Variants in HECW1 observed in about 807,000 individuals in gnomAD.
The protein encoded by HECW1 is HECT, C2 and WW domain containing E3 ubiquitin protein ligase 1.
Under a neutral mutation model 182.3 loss-of-function variants are expected in HECW1, and 61 were observed. That is an observed-to-expected ratio of 0.33 (90% CI 0.27 to 0.41). The LOEUF is 0.41. HECW1 is among the 10% of genes least tolerant of loss of function. HECW1 has a pLI of 1.00. For synonymous variants in HECW1, 859 were observed against 832.6 expected (o/e 1.03, Z -0.55); for missense variants, 1,739 against 2,108.9 (o/e 0.82, Z 3.44).
At chr7:43,346,557 A>T (rs978004935) in intron 5 of HECW1, among the ~76,000 whole-genome samples, 7 of 152,154 alleles carry the variant, frequency 4.6e-5, no homozygotes, top group Non-Finnish European at 1.0e-4. Flanking sequence ...TTGGTCGTGA[A>T]ATCCTTGCCT....
chr7:43,254,757 G>C (rs1455831133), intron 3 of HECW1, among the ~76,000 whole-genome samples: 1 of 151,786 alleles, frequency 6.6e-6, no homozygotes, highest in Non-Finnish European at 1.5e-5. Context: ...TCCAGCACTG[G>C]TCGTAATGCC....
At chr7:43,420,951 T>C (rs1199153496) in intron 8 of HECW1, among the ~76,000 whole-genome samples, 2 of 152,120 alleles carry the variant, frequency 1.3e-5, no homozygotes, top group Non-Finnish European at 2.9e-5. Context: ...ATTCTAACAT[T>C]TGTATTGAAA....
intron 2 of HECW1, among the ~76,000 whole-genome samples, chr7:43,172,011 C>A (rs1286726754): frequency 6.6e-6 from 1 of 151,966 alleles, no homozygotes; most frequent in East Asian, 1.9e-4. Flanking sequence ...GGCACAGTGG[C>A]TCACATCTGT....
chr7:43,424,358 G>A (rs990211741), intron 8 of HECW1, among the ~76,000 whole-genome samples: 3 of 152,150 alleles, frequency 2.0e-5, no homozygotes, highest in Admixed American at 1.3e-4. Flanking sequence ...AGTGGCTCAC[G>A]CCTCTAATCC....
chr7:43,317,342 G>A (rs1461391381), intron 4 of HECW1, among the ~76,000 whole-genome samples: 2 of 152,236 alleles, frequency 1.3e-5, no homozygotes, highest in Admixed American at 1.3e-4. Context: ...CTGCCCTCCA[G>A]ATTGCAGTGA....
At chr7:43,274,189 A>C (rs1416780426) in intron 3 of HECW1, 3 of 504,268 alleles carry the variant, frequency 5.9e-6, no homozygotes, top group East Asian at 6.5e-5. Context: ...AAAAGAGTAC[A>C]AGGTGGTGGT....
intron 2 of HECW1, among the ~76,000 whole-genome samples, chr7:43,151,654 A>G (rs1789340246): frequency 6.6e-6 from 1 of 152,184 alleles, no homozygotes. Context: ...AAACATTGCT[A>G]AAAATTGAAT....
intron 6 of HECW1, among the ~76,000 whole-genome samples, chr7:43,367,181 A>G (rs1409170067): frequency 1.3e-5 from 2 of 152,222 alleles, no homozygotes; most frequent in Non-Finnish European, 2.9e-5. Context: ...ACTTGGCCCC[A>G]TTGTATTTTG....
chr7:43,281,598 C>T (rs1803911183), intron 3 of HECW1, among the ~76,000 whole-genome samples: 1 of 152,060 alleles, frequency 6.6e-6, no homozygotes, highest in Non-Finnish European at 1.5e-5. Context: ...TTCTCTCAGT[C>T]CACTCTCCCT....
chr7:43,385,394 T>G (rs996514748), intron 6 of HECW1, among the ~76,000 whole-genome samples: 1 of 150,138 alleles, frequency 6.7e-6, no homozygotes, highest in African/African-American at 2.5e-5. Context: ...TGCCTCTGTC[T>G]TCTGCCCTCT....
chr7:43,194,536 CCCTTCTTTTCCGCAAAA>C (rs1794243009), intron 2 of HECW1: 1 of 152,170 alleles, frequency 6.6e-6, no homozygotes, highest in African/African-American at 2.4e-5. Flanking sequence ...GCTCCCTGGA[CCCTTCTTTTCCGCAAAA>C]CCTTGCTGAA....
At chr7:43,517,923 G>C (rs2080240822) in intron 24 of HECW1, among the ~76,000 whole-genome samples, 1 of 152,172 alleles carries the variant, frequency 6.6e-6, no homozygotes, top group African/African-American at 2.4e-5. Flanking sequence ...GCTTTCTTCA[G>C]AATGTGTGAG....
chr7:43,254,955 G>C (rs1800409227), intron 3 of HECW1, among the ~76,000 whole-genome samples: 1 of 152,144 alleles, frequency 6.6e-6, no homozygotes, highest in Non-Finnish European at 1.5e-5. Flanking sequence ...CTTTTCTATT[G>C]TTGACTAAGG....
At chr7:43,149,308 A>C (rs1036745000) in intron 2 of HECW1, among the ~76,000 whole-genome samples, 6 of 152,222 alleles carry the variant, frequency 3.9e-5, no homozygotes, top group African/African-American at 1.4e-4. Context: ...AGAAAGACAC[A>C]TCACTTCTGT....
chr7:43,447,175 T>A (rs1045914648), intron 11 of HECW1, among the ~76,000 whole-genome samples: 4 of 152,040 alleles, frequency 2.6e-5, no homozygotes, highest in African/African-American at 9.7e-5. Flanking sequence ...AAGCTTTTTT[T>A]TTTTGTATTA....
intron 6 of HECW1, among the ~76,000 whole-genome samples, chr7:43,361,787 A>G (rs1815940111): frequency 6.9e-6 from 1 of 145,562 alleles, no homozygotes; most frequent in Non-Finnish European, 1.5e-5. Context: ...GGACTTTGTC[A>G]TGCTAGTGGA....
intron 3 of HECW1, among the ~76,000 whole-genome samples, chr7:43,298,763 C>T (rs955849372): frequency 6.6e-6 from 1 of 152,166 alleles, no homozygotes; most frequent in African/African-American, 2.4e-5. Context: ...AATGGCAAGT[C>T]AGGGGCCTCG....
At chr7:43,352,711 A>AT (rs974600398) in intron 5 of HECW1, among the ~76,000 whole-genome samples, 5 of 152,202 alleles carry the variant, frequency 3.3e-5, no homozygotes, top group Admixed American at 1.3e-4. Context: ...TGCTAAACAC[A>AT]TTTTTTTAAG....
intron 13 of HECW1, among the ~76,000 whole-genome samples, chr7:43,457,244 G>A (rs1343734322): frequency 6.6e-6 from 1 of 152,138 alleles, no homozygotes; most frequent in Non-Finnish European, 1.5e-5. Flanking sequence ...GGCAGCTTCA[G>A]GATACTTTTA....
Sources: gnomAD v4.1 joint callset for allele counts (sites outside exome capture counted in the v4.1 genomes callset) on GRCh38, gnomAD v4.1.1 for gene constraint, MANE v1.5 for transcripts, NCBI Gene and HGNC (gene_info 2026-07-23, HGNC 2026-07-21) for gene names.